The following UBR3 variants were observed in gnomAD, a reference collection of about 807,000 sequenced individuals.
UBR3 encodes ubiquitin protein ligase E3 component n-recognin 3, also known as E3 ubiquitin-protein ligase UBR3.
In UBR3, 85 loss-of-function variants were observed where a neutral mutation model predicts 243.2. The observed-to-expected ratio is 0.35, with a 90% confidence interval of 0.29 to 0.42. UBR3 has a LOEUF of 0.42. UBR3 is among the 10% of genes least tolerant of loss of function. The pLI is 1.00. For missense variants in UBR3, 1,686 were observed against 2,300.8 expected (o/e 0.73, Z 5.47); for synonymous variants, 748 against 799.8 (o/e 0.94, Z 1.09).
intron 11 of UBR3, among the ~76,000 whole-genome samples, chr2:169,914,865 TG>T (rs376822271): frequency 0.42 from 61,278 of 146,420 alleles, 14,031 homozygotes; most frequent in Non-Finnish European, 0.54. Flanking sequence ...TGTGTGTGTG[TG>T]TGTGTGTTTT....
chr2:169,955,984 T>C (rs369978087), intron 23 of UBR3, among the ~76,000 whole-genome samples: 1 of 151,916 alleles, frequency 6.6e-6, no homozygotes, highest in Admixed American at 6.6e-5. Context: ...TGTGTTTCTT[T>C]GTTTGTCTGT....
At chr2:170,051,486 A>G (rs2091215775) in intron 32 of UBR3, among the ~76,000 whole-genome samples, 1 of 152,080 alleles carries the variant, frequency 6.6e-6, no homozygotes, top group Admixed American at 6.6e-5. Context: ...CTGGGCTTAC[A>G]GGCACCCGCC....
In UBR3 at chr2:170,015,343, C is replaced by G. The variant is rs773634750; in HGVS notation, c.4430C>G (p.Thr1477Arg). Reference protein sequence around the residue: ...GGNLCSGGASTAGKRSCLNQL... With the variant: ...GGNLCSGGASRAGKRSCLNQL... ...AATTTGTGTTCAGGTGGTGCAAGCA[C>G]AGCTGGCAAAAGGTCTTGTTTAAGT... is the stretch of plus-strand genomic sequence containing the variant. Residue 1477 changes from threonine to arginine, a missense_variant, in exon 30 of 39, where the codon ACA becomes AGA. By Grantham distance (71) the Thr-to-Arg change is moderately conservative. This residue lies in a region of UBR3 where 371 missense variants were observed against 422.5 expected (regional missense o/e 0.88). Transcript: ENST00000272793. 5.0e-6 allele frequency: 8 copies of G among 1,611,658 alleles called. No homozygotes were observed. The highest frequency in any genetic ancestry group is 6.8e-6 in the Non-Finnish European group (8 of 1,178,718).
intron 27 of UBR3, among the ~76,000 whole-genome samples, chr2:170,001,857 G>A (rs2089709432): frequency 7.4e-6 from 1 of 134,936 alleles, no homozygotes; most frequent in Non-Finnish European, 1.5e-5. Context: ...AGGTTGCAGT[G>A]AGCTGAGGTT....
chr2:170,032,097 T>G (rs1234553590), intron 31 of UBR3, among the ~76,000 whole-genome samples: 1 of 152,124 alleles, frequency 6.6e-6, no homozygotes, highest in African/African-American at 2.4e-5. Flanking sequence ...AAAACATTTC[T>G]GATAAATTTG....
rs1409262241 is a variant in UBR3, at chr2:169,836,020, T to C, written c.545+7968T>C. ...CTCTCTCTCTCTCTCTCTCTCTCTC[T>C]CTCTCTCTCTCTCTCTCTCTCTCTA... On this transcript the variant is annotated intron_variant, in intron 1 of 38. Transcript: ENST00000272793. 3.9e-3 allele frequency among the ~76,000 whole-genome samples: 108 copies of C among 27,968 alleles called. 3 individuals carry two copies. The highest frequency in any genetic ancestry group is 6.2e-3 in the Non-Finnish European group (81 of 13,042). The allele number at this position is 27,968 out of a possible 152,430, so 18.3% of individuals were successfully genotyped here. A position where few individuals can be genotyped will look rare whatever the true frequency, so the allele number is the denominator to read the frequency against.
intron 35 of UBR3, among the ~76,000 whole-genome samples, chr2:170,066,008 T>G (rs2091560176): frequency 6.6e-6 from 1 of 152,004 alleles, no homozygotes; most frequent in Non-Finnish European, 1.5e-5. Flanking sequence ...TAGAATCATT[T>G]AAGAGTTATG....
At chr2:170,005,336 G>A (rs1452155151) in intron 27 of UBR3, among the ~76,000 whole-genome samples, 1 of 152,194 alleles carries the variant, frequency 6.6e-6, no homozygotes, top group Non-Finnish European at 1.5e-5. Context: ...AGTTGAGGTT[G>A]GAAACAGTTT....
intron 35 of UBR3, among the ~76,000 whole-genome samples, chr2:170,062,314 G>C (rs1026840062): frequency 2.0e-5 from 3 of 152,158 alleles, no homozygotes; most frequent in African/African-American, 2.4e-5. Flanking sequence ...CAGTTCTAGG[G>C]AATTTGATGT....
At chr2:170,067,944 A>G (rs534820238) in intron 35 of UBR3, among the ~76,000 whole-genome samples, 20 of 151,508 alleles carry the variant, frequency 1.3e-4, no homozygotes, top group African/African-American at 3.9e-4. Context: ...ATCTTTTTTT[A>G]TTTTTAGTAG....
At chr2:170,042,420 C>T (rs2105432966) in intron 32 of UBR3, among the ~76,000 whole-genome samples, 1 of 152,054 alleles carries the variant, frequency 6.6e-6, no homozygotes, top group East Asian at 1.9e-4. Context: ...ATAGTGCTGC[C>T]ATGAACATTC....
At chr2:169,892,467 TAAGTTA>T (rs2084414406) in intron 6 of UBR3, among the ~76,000 whole-genome samples, 1 of 152,186 alleles carries the variant, frequency 6.6e-6, no homozygotes, top group African/African-American at 2.4e-5. Flanking sequence ...TATGCAGACT[TAAGTTA>T]AAGTGTTTTT....
chr2:169,874,453 G>A (rs759449272), intron 2 of UBR3, among the ~76,000 whole-genome samples: 8 of 152,128 alleles, frequency 5.3e-5, no homozygotes, highest in Non-Finnish European at 8.8e-5. Context: ...ACAGGTGTGA[G>A]CCATTGTGCC....
chr2:170,008,053 A>C (rs938637485), intron 28 of UBR3, among the ~76,000 whole-genome samples: 6 of 152,178 alleles, frequency 3.9e-5, no homozygotes, highest in African/African-American at 1.2e-4. Flanking sequence ...TGTATTCGAG[A>C]GATAAAATAT....
chr2:169,854,707 A>G (rs1033644297), intron 1 of UBR3, among the ~76,000 whole-genome samples: 1 of 152,196 alleles, frequency 6.6e-6, no homozygotes, highest in Non-Finnish European at 1.5e-5. Flanking sequence ...TAAAGTGTTG[A>G]TAAGTATTTT....
At chr2:169,975,858 G>A (rs149107914) in intron 24 of UBR3, among the ~76,000 whole-genome samples, 4 of 143,546 alleles carry the variant, frequency 2.8e-5, no homozygotes, top group Non-Finnish European at 6.1e-5. Flanking sequence ...ATCTGGATCT[G>A]CATATATCTG....
chr2:170,017,128 T>C (rs889181466), intron 30 of UBR3, among the ~76,000 whole-genome samples: 12 of 152,074 alleles, frequency 7.9e-5, no homozygotes, highest in African/African-American at 2.9e-4. Flanking sequence ...AGGACTTAAA[T>C]TGATGATGAT....
chr2:169,891,878 A>G (rs1204702220), intron 6 of UBR3, among the ~76,000 whole-genome samples: 1 of 152,182 alleles, frequency 6.6e-6, no homozygotes, highest in East Asian at 1.9e-4. Flanking sequence ...TGTTTACTTG[A>G]CTGTCACTAA....
chr2:169,964,355 T>C (rs950555780), intron 24 of UBR3: 1 of 460,834 alleles, frequency 2.2e-6, no homozygotes, highest in African/African-American at 2.0e-5. Flanking sequence ...ATTAATACTT[T>C]AAGAAATTGT....
Sources: gnomAD v4.1 joint callset for allele counts (sites outside exome capture counted in the v4.1 genomes callset) on GRCh38, gnomAD v4.1.1 for gene constraint, gnomAD v4.1.1 regional missense constraint, MANE v1.5 for transcripts, NCBI Gene and HGNC (gene_info 2026-07-23, HGNC 2026-07-21) for gene names.